The following ENG variants were observed in gnomAD, a reference collection of about 807,000 sequenced individuals.
The protein encoded by ENG is CD105 antigen.
A neutral mutation model predicts 71.0 loss-of-function variants in ENG; 17 were observed. The ratio of observed to expected loss-of-function variants is 0.24; its 90% CI spans 0.16 to 0.36. ENG has a LOEUF of 0.36. Ranked by LOEUF, ENG falls within the 10% of genes least tolerant of loss-of-function variation. The pLI, the probability that ENG is intolerant of heterozygous loss-of-function variation, is 1.00. For missense variants in ENG, 749 were observed against 868.3 expected (o/e 0.86, Z 1.73); for synonymous variants, 360 against 366.9 (o/e 0.98, Z 0.21).
At chr9:127,821,561 C>T (rs1830466989) in intron 8 of ENG, 1 of 152,054 alleles carries the variant, frequency 6.6e-6, no homozygotes, top group South Asian at 2.1e-4. Flanking sequence ...GAAACCCTGT[C>T]TCTACTAAAA....
At chr9:127,839,342 ACT>A (rs1197070523) in intron 2 of ENG, among the ~76,000 whole-genome samples, 1 of 151,698 alleles carries the variant, frequency 6.6e-6, no homozygotes, top group Non-Finnish European at 1.5e-5. Context: ...TCTAGACCCC[ACT>A]CTTAGGGGAT....
chr9:127,825,239 G>T lies in ENG; in HGVS notation c.808C>A (p.Gln270Lys). 1.2e-6 allele frequency: 2 copies of T among 1,613,004 alleles called. No individual in the cohort carries two copies. Among genetic ancestry groups the T allele is most frequent in the Non-Finnish European group, 1.7e-6 (2 of 1,179,808 alleles). Residue 270 changes from glutamine to lysine, a missense_variant, in exon 6 of 15, where the codon CAG becomes AAG. Gln to Lys is a moderately conservative substitution (Grantham distance 53). Transcript: ENST00000373203. The part of the protein sequence containing the change: ...SWLIDANHNM[Q>K]IWTTGEYSFK... ...AGCTGCGCACAACTCACCCAGATCT[G>T]CATGTTGTGGTTGGCGTCGATGAGC...
In ENG at chr9:127,817,153, C is replaced by T. The variant is rs1467677547; in HGVS notation, c.1737G>A (p.Leu579=). Residue 579 remains leucine, a synonymous_variant, in exon 13 of 15, where the codon CTG becomes CTA. Transcript: ENST00000373203. ...FMRLNIISPD[L]SGCTSKGLVL... ...AGAGACCTGGAGGGAGCTCACCAGA[C>T]AGGTCAGGGCTGATGATGTTCAAGC... The T allele has an allele frequency of 1.2e-6, 2 of 1,614,218 alleles. No individual in the cohort carries two copies. The highest frequency in any genetic ancestry group is 1.7e-6 in the Non-Finnish European group (2 of 1,180,022).
chr9:127,853,371 G>A (rs558342047), intron 1 of ENG, among the ~76,000 whole-genome samples: 1 of 152,276 alleles, frequency 6.6e-6, no homozygotes, highest in Admixed American at 6.5e-5. Flanking sequence ...GCCCCTGGAT[G>A]CACAGGTGGG....
chr9:127,851,752 C>G (rs1831290927), intron 1 of ENG, among the ~76,000 whole-genome samples: 1 of 151,972 alleles, frequency 6.6e-6, no homozygotes, highest in Non-Finnish European at 1.5e-5. Flanking sequence ...GGGGCCGGCG[C>G]CTGTAGTCCC....
intron 1 of ENG, among the ~76,000 whole-genome samples, chr9:127,853,691 G>A (rs1279675186): frequency 1.3e-5 from 2 of 152,210 alleles, no homozygotes; most frequent in Admixed American, 6.5e-5. Flanking sequence ...AAGGTGAGCT[G>A]GAGGAACTTA....
chr9:127,845,046 C>T (rs962189618), intron 1 of ENG, among the ~76,000 whole-genome samples: 7 of 152,124 alleles, frequency 4.6e-5, no homozygotes, highest in South Asian at 2.1e-4. Flanking sequence ...TCCTACACCT[C>T]GTCCTGAGGA....
intron 1 of ENG, among the ~76,000 whole-genome samples, chr9:127,849,728 CA>C (rs1250658833): frequency 2.0e-5 from 3 of 152,146 alleles, no homozygotes; most frequent in Non-Finnish European, 4.4e-5. Flanking sequence ...GAAGATCAGG[CA>C]AGAGGAAGAT....
intron 1 of ENG, among the ~76,000 whole-genome samples, chr9:127,850,573 T>C (rs892312519): frequency 6.6e-6 from 1 of 152,190 alleles, no homozygotes; most frequent in African/African-American, 2.4e-5. Context: ...TTTTTCCTCC[T>C]AGCAAATGGG....
rs781374732 is a variant in ENG at position 127,829,823 on chromosome 9, G to A, written c.224C>T (p.Pro75Leu). 5.0e-6 allele frequency: 8 copies of A among 1,613,826 alleles called. No individual in the cohort carries two copies. In the Admixed American group the frequency reaches 5.0e-5, roughly 10 times the overall value. The change falls in exon 3 of 15, where the codon CCG becomes CTG. Residue 75 changes from proline to leucine, a missense_variant. Coordinates refer to ENST00000373203, the MANE Select transcript of ENG (RefSeq NM_001114753.3). ...HVLFLEFPTG[P>L]SQLELTLQAS... ...CTGGAGAGTCAGCTCCAGCTGTGAC[G>A]GGCCCTGGGGGACACAGAGGAGAGA... is the stretch of plus-strand genomic sequence containing the variant.
At chr9:127,843,315 C>A in intron 1 of ENG, 70 bp from the exon 2 acceptor site, 1 of 1,607,218 alleles carries the variant, frequency 6.2e-7, no homozygotes. Flanking sequence ...ACTTTCCAAA[C>A]GTCTCCTAGG....
At chr9:127,849,310 A>G (rs1014757329) in intron 1 of ENG, among the ~76,000 whole-genome samples, 1 of 152,320 alleles carries the variant, frequency 6.6e-6, no homozygotes, top group South Asian at 2.1e-4. Flanking sequence ...ACCCTTCTGT[A>G]GAAGTAAAAA....
chr9:127,816,098 C>A, intron 13 of ENG, 45 bp from the exon 14 acceptor site: 1 of 1,589,202 alleles, frequency 6.3e-7, no homozygotes, highest in Non-Finnish European at 8.6e-7. Flanking sequence ...TGCCCCTGCC[C>A]CATCCCCTAC....
At chr9:127,818,399 C>T (rs775836103) in intron 11 of ENG, 22 bp from the exon 12 acceptor site, 28 of 1,611,666 alleles carry the variant, frequency 1.7e-5, no homozygotes, top group Admixed American at 1.2e-4. Context: ...GGTAGGGCCA[C>T]GCGGCATGGG....
Position 127,818,799 on chromosome 9 carries a change from A to G in ENG, c.1345T>C (p.Ser449Pro). 1 of 1,614,060 alleles carries G rather than the reference A, an allele frequency of 6.2e-7. No homozygotes were observed. The highest frequency in any genetic ancestry group is 2.2e-5 in the East Asian group (1 of 44,866). Residue 449 changes from serine to proline, a missense_variant, in exon 11 of 15, where the codon TCT becomes CCT. Transcript: ENST00000373203. The part of the protein sequence containing the change: ...KVHCLNMDSL[S>P]FQLGLYLSPH... Reference sequence around the variant, plus strand: ...CTGAGGTAGAGGCCCAGCTGGAAAGAGAGGCTGTCCATGTTGAGGCAGTGC... The same window carrying G: ...CTGAGGTAGAGGCCCAGCTGGAAAGGGAGGCTGTCCATGTTGAGGCAGTGC...
chr9:127,831,391 TC>T (rs1328276380), intron 2 of ENG, among the ~76,000 whole-genome samples: 53 of 150,420 alleles, frequency 3.5e-4, no homozygotes, highest in African/African-American at 1.2e-3. Context: ...TTTTTTTTTT[TC>T]TTTTTTTTTC....
At position 127,824,914 on chromosome 9, in the gene ENG, G is replaced by A; in HGVS notation, c.877C>T (p.Pro293Ser). ...CCCAGGAGGCCTTGAGGTGTGTCTGGGAGCTTGAAGCCACGAATGTTTTTC... is the reference window on the plus strand; with the variant it reads ...CCCAGGAGGCCTTGAGGTGTGTCTGAGAGCTTGAAGCCACGAATGTTTTTC... ...PEKNIRGFKL[P>S]DTPQGLLGEA... The change falls in exon 7 of 15, where the codon CCA becomes TCA. Residue 293 changes from proline to serine, a missense_variant. Coordinates refer to ENST00000373203, the MANE Select transcript of ENG (RefSeq NM_001114753.3). 6.2e-7 allele frequency: 1 copy of A among 1,614,036 alleles called. No homozygotes were observed. Among genetic ancestry groups the A allele is most frequent in the Non-Finnish European group, 8.5e-7 (1 of 1,180,010 alleles).
At position 127,826,522 on chromosome 9, in the gene ENG, G is replaced by A. The variant is rs1554810490; in HGVS notation, c.511C>T (p.Arg171Ter). Residue 171 changes from arginine (R) to a stop codon, truncating the protein, a stop_gained, in exon 4 of 15, where the codon CGA becomes TGA. Coordinates refer to ENST00000373203, the MANE Select transcript of ENG (RefSeq NM_001114753.3). LOFTEE classifies it high-confidence loss of function. ...TGGGGAAACTGACCTTGGCCCAGTC[G>A]GAGGAGGATGCTCTGGGGGTCATTC... Reference protein sequence around the residue: ...ELNDPQSILLRLGQAQGSLSF... With the variant: ...ELNDPQSILL 1 of 1,614,098 alleles carries A rather than the reference G, an allele frequency of 6.2e-7. No individual in the cohort carries two copies. The highest frequency in any genetic ancestry group is 8.5e-7 in the Non-Finnish European group (1 of 1,179,980).
At position 127,854,417 on chromosome 9, in the gene ENG, C is replaced by T. The variant is rs1031488112; in HGVS notation, c.-62G>A. 13 of 1,516,604 alleles carry T rather than the reference C, an allele frequency of 8.6e-6. No individual in the cohort carries two copies. The highest frequency in any genetic ancestry group is 5.0e-5 in the East Asian group (2 of 39,688). The allele number at this position is 1,516,604 out of a possible 1,614,324, so 93.9% of individuals were successfully genotyped here. A position where few individuals can be genotyped will look rare whatever the true frequency, so the allele number is the denominator to read the frequency against. On this transcript the variant is annotated 5_prime_UTR_variant, in exon 1 of 15. Transcript: ENST00000373203. ...CTGTGTCCAGTGGCAGGGCTGCGGGCGGGCACCGGGGCCGGCGTGGGCTCG... is the reference window on the plus strand; with the variant it reads ...CTGTGTCCAGTGGCAGGGCTGCGGGTGGGCACCGGGGCCGGCGTGGGCTCG...
Sources: gnomAD v4.1 joint callset for allele counts (sites outside exome capture counted in the v4.1 genomes callset) on GRCh38, gnomAD v4.1.1 for gene constraint, MANE v1.5 for transcripts, NCBI Gene and HGNC (gene_info 2026-07-23, HGNC 2026-07-21) for gene names.